The following MAML2 variants were observed in gnomAD, a reference collection of about 807,000 sequenced individuals.
The protein encoded by MAML2 is mastermind like transcriptional coactivator 2, also known as mastermind-like protein 2.
Under a neutral mutation model 96.1 loss-of-function variants are expected in MAML2, and 22 were observed. The observed-to-expected ratio is 0.23, with a 90% CI of 0.16 to 0.33. The LOEUF is 0.33. MAML2 is among the 10% of genes least tolerant of loss of function. The pLI, the probability that MAML2 is intolerant of heterozygous loss-of-function variation, is 1.00. For synonymous variants in MAML2, 561 were observed against 521.3 expected (o/e 1.08, Z -1.04); for missense variants, 1,367 against 1,392.4 (o/e 0.98, Z 0.29).
At chr11:96,000,171 C>T (rs1858059206) in intron 2 of MAML2, among the ~76,000 whole-genome samples, 1 of 152,080 alleles carries the variant, frequency 6.6e-6, no homozygotes, top group Admixed American at 6.6e-5. Flanking sequence ...ACAACAATGA[C>T]AACAAAACAA....
chr11:96,150,657 C>T (rs1033277756), intron 1 of MAML2, among the ~76,000 whole-genome samples: 3 of 152,056 alleles, frequency 2.0e-5, no homozygotes, highest in East Asian at 3.9e-4. Context: ...CATTAATGAG[C>T]GACCCATTCC....
chr11:96,189,675 C>T (rs970095435), intron 1 of MAML2, among the ~76,000 whole-genome samples: 2 of 152,186 alleles, frequency 1.3e-5, no homozygotes, highest in Non-Finnish European at 2.9e-5. Flanking sequence ...AATGTGAAAT[C>T]TACTTGCTAC....
At chr11:96,178,086 CT>C (rs1312955968) in intron 1 of MAML2, among the ~76,000 whole-genome samples, 1 of 102,758 alleles carries the variant, frequency 9.7e-6, no homozygotes, top group African/African-American at 4.0e-5. Flanking sequence ...ATTTTTCTTT[CT>C]TTTTTTTCTT....
intron 1 of MAML2, among the ~76,000 whole-genome samples, chr11:96,141,746 A>G (rs1311854619): frequency 6.6e-6 from 1 of 152,204 alleles, no homozygotes; most frequent in East Asian, 1.9e-4. Flanking sequence ...AAAATAATGT[A>G]GCTTTGGAAT....
At chr11:96,265,238 G>T (rs550353472) in intron 1 of MAML2, among the ~76,000 whole-genome samples, 1 of 152,330 alleles carries the variant, frequency 6.6e-6, no homozygotes, top group South Asian at 2.1e-4. Context: ...GCTGGCTTTA[G>T]CGCGGGGAGG....
intron 1 of MAML2, among the ~76,000 whole-genome samples, chr11:96,280,760 TAG>T (rs1385698909): frequency 6.6e-6 from 1 of 152,238 alleles, no homozygotes; most frequent in African/African-American, 2.4e-5. Flanking sequence ...TGATGAGTGG[TAG>T]CTAAAAGTCC....
chr11:96,079,894 A>T (rs1043863460), intron 2 of MAML2, among the ~76,000 whole-genome samples: 8 of 152,334 alleles, frequency 5.3e-5, no homozygotes, highest in Admixed American at 3.9e-4. Context: ...AACACCCATT[A>T]AGGCTGTGGC....
intron 1 of MAML2, among the ~76,000 whole-genome samples, chr11:96,096,519 G>A (rs905867494): frequency 3.3e-5 from 5 of 152,170 alleles, no homozygotes; most frequent in African/African-American, 1.2e-4. Context: ...GACAGACAGA[G>A]TAAGCAATGA....
intron 1 of MAML2, among the ~76,000 whole-genome samples, chr11:96,214,201 T>A (rs1862015534): frequency 6.6e-6 from 1 of 152,240 alleles, no homozygotes; most frequent in Admixed American, 6.5e-5. Flanking sequence ...AATGAATACT[T>A]CCTTAGAACT....
chr11:96,317,443 C>CG (rs1863646827), intron 1 of MAML2, among the ~76,000 whole-genome samples: 1 of 152,206 alleles, frequency 6.6e-6, no homozygotes, highest in East Asian at 1.9e-4. Flanking sequence ...AGTAGAGGCC[C>CG]GGGAAATTAT....
At chr11:96,302,454 G>A (rs1011149619) in intron 1 of MAML2, among the ~76,000 whole-genome samples, 5 of 152,170 alleles carry the variant, frequency 3.3e-5, no homozygotes, top group African/African-American at 1.2e-4. Context: ...GGGTGGGGCT[G>A]TCAATCAAGG....
intron 1 of MAML2, among the ~76,000 whole-genome samples, chr11:96,120,927 A>G (rs976303482): frequency 6.6e-6 from 1 of 152,196 alleles, no homozygotes; most frequent in Admixed American, 6.5e-5. Context: ...CTTGCCTCCA[A>G]ATCGCTCAAG....
chr11:96,285,678 C>T (rs1863128833), intron 1 of MAML2, among the ~76,000 whole-genome samples: 1 of 152,126 alleles, frequency 6.6e-6, no homozygotes, highest in South Asian at 2.1e-4. Context: ...CGAACAGACA[C>T]TCCTCAGATG....
intron 2 of MAML2, among the ~76,000 whole-genome samples, chr11:95,996,075 T>TCAAA (rs1204875214): frequency 6.6e-6 from 1 of 151,724 alleles, no homozygotes; most frequent in Non-Finnish European, 1.5e-5. Context: ...GAAAAATCAA[T>TCAAA]CAATCAATCA....
At chr11:96,153,313 C>T (rs1168064218) in intron 1 of MAML2, among the ~76,000 whole-genome samples, 1 of 152,086 alleles carries the variant, frequency 6.6e-6, no homozygotes, top group African/African-American at 2.4e-5. Context: ...GAGGACCACA[C>T]GATGGCAGTT....
In MAML2 at chr11:96,342,038, A is replaced by G. The variant is rs1327913886; in HGVS notation, c.-143T>C. On this transcript the variant is annotated 5_prime_UTR_variant, in exon 1 of 5. Transcript: ENST00000524717. ...TAGAGGTCTTCAGAGGTTGTGGGGGAGCCGTGGAGAAGTTGTGGGGGAGGG... is the reference window on the plus strand; with the variant it reads ...TAGAGGTCTTCAGAGGTTGTGGGGGGGCCGTGGAGAAGTTGTGGGGGAGGG... 8.0e-6 allele frequency: 6 copies of G among 752,190 alleles called. No homozygotes were observed. Among genetic ancestry groups the G allele is most frequent in the African/African-American group, 1.8e-5 (1 of 56,358 alleles). The allele number at this position is 752,190 out of a possible 1,614,324, so 46.6% of individuals were successfully genotyped here. A position where few individuals can be genotyped will look rare whatever the true frequency, so the allele number is the denominator to read the frequency against.
At chr11:96,218,808 A>T (rs1862088086) in intron 1 of MAML2, among the ~76,000 whole-genome samples, 1 of 152,240 alleles carries the variant, frequency 6.6e-6, no homozygotes, top group Non-Finnish European at 1.5e-5. Context: ...AGTTTTTAAA[A>T]GTTATAAGTA....
At chr11:96,282,725 G>C (rs1305663918) in intron 1 of MAML2, among the ~76,000 whole-genome samples, 2 of 152,260 alleles carry the variant, frequency 1.3e-5, no homozygotes, top group East Asian at 3.9e-4. Context: ...TAATCATGTT[G>C]AATTTTATAA....
Position 96,341,292 on chromosome 11 carries a change from G to A in MAML2, c.513+91C>T. 1 of 1,390,934 alleles carries A rather than the reference G, an allele frequency of 7.2e-7. No individual in the cohort carries two copies. Among genetic ancestry groups the A allele is most frequent in the Non-Finnish European group, 9.6e-7 (1 of 1,043,848 alleles). The allele number at this position is 1,390,934 out of a possible 1,614,324, so 86.2% of individuals were successfully genotyped here. Reference sequence around the variant, plus strand: ...AGGTGACATCTTGGCCTTTTTCATTGCCATCCACTCTACCTTAGGCCAAAG... The same window carrying A: ...AGGTGACATCTTGGCCTTTTTCATTACCATCCACTCTACCTTAGGCCAAAG... On this transcript the variant is annotated intron_variant, in intron 1 of 4. Transcript: ENST00000524717.
Sources: allele counts gnomAD v4.1 joint callset (sites outside exome capture counted in the v4.1 genomes callset), GRCh38; gene constraint gnomAD v4.1.1; transcripts MANE v1.5; gene names NCBI Gene and HGNC (gene_info 2026-07-23, HGNC 2026-07-21).